SAFB: variants seen among roughly 807,000 people sequenced by gnomAD.
The protein encoded by SAFB is scaffold attachment factor B1.
Under a neutral mutation model 101.6 loss-of-function variants are expected in SAFB, and 15 were observed. The ratio of observed to expected loss-of-function variants is 0.15; its 90% confidence interval spans 0.10 to 0.23. The LOEUF (loss-of-function observed/expected upper bound fraction) is 0.23, where lower values mean the gene tolerates loss of function less well. Ranked by LOEUF, SAFB falls within the 10% of genes least tolerant of loss-of-function variation. SAFB has a pLI of 1.00. For missense variants in SAFB, 930 were observed against 1,104.1 expected, an observed-to-expected ratio of 0.84 and a Z score of 2.23; for synonymous variants, 449 against 407.5, an observed-to-expected ratio of 1.10 and a Z score of -1.23.
chr19:5,667,256 C>A lies in SAFB; in HGVS notation c.2454-91C>A, dbSNP rs952526633. On this transcript the variant is annotated intron_variant, in intron 18 of 20. Transcript: ENST00000588852. This position sits in a 1 kb window ranked among gnomAD's most constrained non-coding sequence, Gnocchi z 4.0. ...GGATGTGGGCACAGGGTGGGAAACA[C>A]AGAGGGATTCACTCTCCAGAAGCCG... 90 of 1,255,452 alleles carry A rather than the reference C, an allele frequency of 7.2e-5. No individual in the cohort carries two copies. The highest frequency in any genetic ancestry group is 3.9e-4 in the Middle Eastern group (2 of 5,172). 77.8% of individuals were successfully genotyped at this position (1,255,452 alleles called of 1,614,324 possible).
At chr19:5,640,316 A>G (rs1047482730) in intron 2 of SAFB, among the ~76,000 whole-genome samples, 4 of 152,010 alleles carry the variant, frequency 2.6e-5, no homozygotes, top group Non-Finnish European at 4.4e-5. Context: ...GCAAAGATAA[A>G]GAAAAATAGC....
At chr19:5,664,472 T>C in intron 17 of SAFB, 33 bp downstream of exon 17, 3 of 1,573,324 alleles carry the variant, frequency 1.9e-6, no homozygotes, top group Non-Finnish European at 2.6e-6. Flanking sequence ...AGCCACAGAA[T>C]TTCCCATAGA....
intron 4 of SAFB, 172 bp downstream of exon 4, chr19:5,642,118 G>C (rs1026636004): frequency 4.5e-5 from 31 of 691,720 alleles, no homozygotes; most frequent in Admixed American, 4.1e-5. Context: ...GAAAGGTGAT[G>C]TCTTATAACA....
chr19:5,668,053 A>G (rs930771944), intron 20 of SAFB, 109 bp from the exon 21 acceptor site: 13 of 1,495,894 alleles, frequency 8.7e-6, no homozygotes, highest in African/African-American at 8.4e-5. Flanking sequence ...AGGGGAGGGC[A>G]TTAGGAAGGG....
chr19:5,667,013 C>A lies in SAFB; in HGVS notation c.2335-33C>A. ...TGGGGTCTGGGCGCTGACACTGAAG[C>A]TTTTTTTTCCCTTCTGGCTCTGTGA... On this transcript the variant is annotated intron_variant, in intron 17 of 20. Coordinates refer to ENST00000588852, the MANE Select transcript of SAFB (RefSeq NM_001201338.2). This position sits in a 1 kb window ranked among gnomAD's most constrained non-coding sequence, Gnocchi z 4.0. 7.2e-7 allele frequency: 1 copy of A among 1,394,784 alleles called. No individual in the cohort carries two copies. Among genetic ancestry groups the A allele is most frequent in the South Asian group, 1.2e-5 (1 of 86,818 alleles). 86.4% of individuals were successfully genotyped at this position (1,394,784 alleles called of 1,614,324 possible).
At chr19:5,666,793 G>A in intron 17 of SAFB, 1 of 543,650 alleles carries the variant, frequency 1.8e-6, no homozygotes, top group Non-Finnish European at 3.3e-6. Flanking sequence ...CAGCTCTGGT[G>A]GTGCTGTGGG....
chr19:5,657,371 T>G, intron 14 of SAFB, 24 bp downstream of exon 14: 745 of 1,506,910 alleles, frequency 4.9e-4, no homozygotes, highest in Non-Finnish European at 6.2e-4. Context: ...CAGGAACGGT[T>G]TGGTGTTTTT....
chr19:5,625,199 C>A (rs886450889), intron 1 of SAFB, among the ~76,000 whole-genome samples: 4 of 152,198 alleles, frequency 2.6e-5, no homozygotes, highest in Non-Finnish European at 4.4e-5. Flanking sequence ...TTTCTGTCAT[C>A]CTGTTGGTGT....
At chr19:5,668,106 G>T in intron 20 of SAFB, 56 bp from the exon 21 acceptor site, 2 of 1,586,130 alleles carry the variant, frequency 1.3e-6, no homozygotes, top group Non-Finnish European at 1.7e-6. Context: ...TGCAGGCTGG[G>T]ATGGGCCGGG....
chr19:5,635,525 C>A (rs2053577813), intron 2 of SAFB, among the ~76,000 whole-genome samples: 2 of 152,078 alleles, frequency 1.3e-5, no homozygotes, highest in African/African-American at 4.8e-5. Flanking sequence ...ACTTCCTATA[C>A]TTAGGAGGAT....
At chr19:5,653,780 A>G (rs773160491) in intron 11 of SAFB, among the ~76,000 whole-genome samples, 1 of 149,332 alleles carries the variant, frequency 6.7e-6, no homozygotes, top group South Asian at 2.1e-4. Context: ...GGTGTTTTAA[A>G]CAGAATCTCA....
At chr19:5,633,589 C>G (rs1270258348) in intron 2 of SAFB, among the ~76,000 whole-genome samples, 2 of 152,098 alleles carry the variant, frequency 1.3e-5, no homozygotes, top group Admixed American at 1.3e-4. Context: ...ACCATCCTGG[C>G]TAACACGGTG....
rs1466452089 is a variant in SAFB at position 5,626,433 on chromosome 19, A to G, written c.218A>G (p.Asp73Gly). ...ATTGAAGATGAAGGTGGTAATCCTG[A>G]CGAAATTGAAATTACCTCCGAGGGA... is the stretch of plus-strand genomic sequence containing the variant. ...KAIEDEGGNP[D>G]EIEITSEGNK... is the part of the protein sequence containing the mutation. Residue 73 changes from aspartate to glycine, a missense_variant, in exon 2 of 21, where the codon GAC (aspartate) becomes GGC (glycine). By Grantham distance (94) the Asp-to-Gly change is moderately conservative. Transcript: ENST00000588852. 35 of 1,610,816 alleles carry G rather than the reference A, an allele frequency of 2.2e-5. No individual in the cohort carries two copies. The highest frequency in any genetic ancestry group is 3.0e-5 in the Non-Finnish European group (35 of 1,177,066).
intron 9 of SAFB, among the ~76,000 whole-genome samples, chr19:5,652,616 G>A (rs1217890838): frequency 2.6e-5 from 4 of 152,186 alleles, no homozygotes; most frequent in African/African-American, 9.7e-5. Flanking sequence ...TGGAAAGGAT[G>A]TGTCTACAGT....
At chr19:5,662,076 G>A (rs761678244) in intron 15 of SAFB, among the ~76,000 whole-genome samples, 101 of 152,154 alleles carry the variant, frequency 6.6e-4, no homozygotes, top group Admixed American at 1.1e-3. Context: ...CAGTAGAGAC[G>A]GGGTTTCACT....
chr19:5,661,884 G>T, intron 15 of SAFB, 76 bp downstream of exon 15: 25 of 965,992 alleles, frequency 2.6e-5, no homozygotes, highest in Non-Finnish European at 3.3e-5. Context: ...GTTAGCTTGA[G>T]ATTTTTTTTT....
chr19:5,654,061 A>C lies in SAFB; in HGVS notation c.1527A>C (p.Arg509Ser). 6.2e-7 allele frequency: 1 copy of C among 1,614,006 alleles called. No individual in the cohort carries two copies. Among genetic ancestry groups the C allele is most frequent in the East Asian group, 2.2e-5 (1 of 44,888 alleles). The stretch of plus-strand genomic sequence containing the variant: ...CAGCCAACATGTCTGTTTTTTATAG[A>C]TCTACAAACCTTAAGAGGGATGATA... ...GKKEKSSNSD[R>S]STNLKRDDKC... The change falls in exon 12 of 21, where the codon AGA (arginine) becomes AGC (serine). Residue 509 changes from arginine (R) to serine (S), a missense_variant and splice_region_variant. Around this residue, in one of 7 missense-constraint regions of SAFB, gnomAD observed 92 missense variants for 83.8 expected, o/e 1.10. Transcript: ENST00000588852.
chr19:5,627,073 G>T (rs1170057918), intron 2 of SAFB, among the ~76,000 whole-genome samples: 1 of 151,826 alleles, frequency 6.6e-6, no homozygotes, highest in Admixed American at 6.6e-5. Flanking sequence ...CTACTTGGGA[G>T]TTTTAGGAGG....
At position 5,653,391 on chromosome 19, in the gene SAFB, GA is replaced by G; in HGVS notation, c.1502del (p.Lys501ArgfsTer64). 1 of 1,614,130 alleles carries G rather than the reference GA, an allele frequency of 6.2e-7. No individual in the cohort carries two copies. Among genetic ancestry groups the G allele is most frequent in the Non-Finnish European group, 8.5e-7 (1 of 1,180,014 alleles). ...CCTCTGACAAAAGAGACAGTGACGG[GA>G]AAAAGGAGAAGTCGAGCAACAGTGA... Reference protein sequence around the residue: ...KTSDKRDSDGKKEKSSNSDRS... With the variant: ...KTSDKRDSDGXKEKSSNSDRS... On this transcript the variant is annotated frameshift_variant, in exon 11 of 21. Coordinates refer to ENST00000588852, the MANE Select transcript of SAFB (RefSeq NM_001201338.2). LOFTEE classifies it high-confidence loss of function.
Sources: allele counts gnomAD v4.1 joint callset (sites outside exome capture counted in the v4.1 genomes callset), GRCh38; gene constraint gnomAD v4.1.1; regional missense constraint gnomAD v4.1.1; non-coding constraint Gnocchi (gnomAD v3.1); transcripts MANE v1.5; gene names NCBI Gene and HGNC (gene_info 2026-07-23, HGNC 2026-07-21).